Variants in USP50 observed in about 807,000 individuals in gnomAD.
The protein encoded by USP50 is ubiquitin specific peptidase 50, also known as ubiquitin carboxyl-terminal hydrolase 50.
USP50 carries 37 observed loss-of-function variants against 39.2 expected under a neutral mutation model. The ratio of observed to expected loss-of-function variants is 0.94; its 90% confidence interval spans 0.73 to 1.24. The LOEUF (loss-of-function observed/expected upper bound fraction) is 1.24, where lower values mean the gene tolerates loss of function less well. USP50 is among the 50% of genes most tolerant of loss of function. The pLI, the probability that USP50 is intolerant of heterozygous loss-of-function variation, is 0.00. For synonymous variants in USP50, 139 were observed against 144.5 expected, an observed-to-expected ratio of 0.96 and a Z score of 0.27; for missense variants, 374 against 398.2, an observed-to-expected ratio of 0.94 and a Z score of 0.52.
At chr15:50,503,371 C>CT (rs2052617039) in intron 6 of USP50, 1 of 152,262 alleles carries the variant, frequency 6.6e-6, no homozygotes, top group Admixed American at 6.5e-5. Flanking sequence ...GTGGTTTATG[C>CT]TTTGTGACTG....
At chr15:50,520,017 C>G (rs1420609617) in intron 6 of USP50, among the ~76,000 whole-genome samples, 1 of 151,996 alleles carries the variant, frequency 6.6e-6, no homozygotes, top group African/African-American at 2.4e-5. Context: ...ATCCAAGATA[C>G]GAGCTGGCCA....
chr15:50,514,719 G>A (rs1407545045), intron 6 of USP50, among the ~76,000 whole-genome samples: 1 of 151,912 alleles, frequency 6.6e-6, no homozygotes, highest in Non-Finnish European at 1.5e-5. Context: ...TAGTAGAGAT[G>A]GGGTTTCACC....
downstream of USP50, chr15:50,493,740 C>A: frequency 2.5e-6 from 1 of 397,370 alleles, no homozygotes; most frequent in South Asian, 2.0e-5. Context: ...AGAATGAGAC[C>A]CTATCTCAAA....
At chr15:50,534,607 G>A (rs2052965728) in intron 5 of USP50, among the ~76,000 whole-genome samples, 1 of 152,112 alleles carries the variant, frequency 6.6e-6, no homozygotes, top group African/African-American at 2.4e-5. Context: ...ACTGTGTACT[G>A]TGTACAAGAA....
downstream of USP50, among the ~76,000 whole-genome samples, chr15:50,496,264 G>A (rs571414874): frequency 2.0e-5 from 3 of 152,092 alleles, no homozygotes; most frequent in East Asian, 1.9e-4. Flanking sequence ...GGCGGATCAC[G>A]AGGTCAGGAG....
At chr15:50,494,166 G>T in intron 1 of USP50, 1 of 1,613,366 alleles carries the variant, frequency 6.2e-7, no homozygotes, top group Non-Finnish European at 8.5e-7. Flanking sequence ...TCAGTCCAAA[G>T]GACTTTAAAA....
intron 6 of USP50, among the ~76,000 whole-genome samples, chr15:50,527,437 G>A (rs2052907309): frequency 6.6e-6 from 1 of 151,878 alleles, no homozygotes; most frequent in Admixed American, 6.6e-5. Context: ...TCAATCTCCT[G>A]ACCTCATGAT....
At chr15:50,498,307 C>CT, downstream of USP50, 1 of 253,604 alleles carries the variant, frequency 3.9e-6, no homozygotes, top group Non-Finnish European at 7.4e-6. Flanking sequence ...TCTTACCTTC[C>CT]TAGAAGACTC....
intron 6 of USP50, among the ~76,000 whole-genome samples, chr15:50,519,906 A>T (rs1398792817): frequency 5.3e-5 from 8 of 152,208 alleles, no homozygotes; most frequent in Admixed American, 4.6e-4. Flanking sequence ...TAGAACTATT[A>T]TATGATCCAG....
At chr15:50,531,854 G>T (rs894326424) in intron 5 of USP50, among the ~76,000 whole-genome samples, 2 of 152,088 alleles carry the variant, frequency 1.3e-5, no homozygotes, top group African/African-American at 4.8e-5. Context: ...GCTAAATAAA[G>T]CTTTTGGTTA....
chr15:50,538,432 G>C, intron 5 of USP50, among the ~76,000 whole-genome samples: 1 of 152,128 alleles, frequency 6.6e-6, no homozygotes, highest in Non-Finnish European at 1.5e-5. Flanking sequence ...AAAGGTTACA[G>C]AGTTTCTGTG....
intron 6 of USP50, among the ~76,000 whole-genome samples, chr15:50,519,012 C>A (rs989133893): frequency 6.6e-6 from 1 of 152,192 alleles, no homozygotes; most frequent in Non-Finnish European, 1.5e-5. Flanking sequence ...AAGGGCCAGG[C>A]GTGGTGGCTC....
In USP50 at chr15:50,544,735, C is replaced by A. The variant is rs973952391; in HGVS notation, c.100G>T (p.Asp34Tyr). ...CCCTGAAAATGGGGCTGGTTCCCAT[C>A]AGCCTCCTTAACTGGAAGGGTATCA... is the stretch of plus-strand genomic sequence containing the variant. ...YYDTLPVKEA[D>Y]GNQPHFQGVT... The change falls in exon 2 of 7, where the codon GAT becomes TAT. Residue 34 changes from aspartate (D) to tyrosine (Y), a missense_variant. Transcript: ENST00000532404. 6.2e-7 allele frequency: 1 copy of A among 1,614,034 alleles called. No homozygotes were observed. The highest frequency in any genetic ancestry group is 8.5e-7 in the Non-Finnish European group (1 of 1,179,900).
intron 6 of USP50, chr15:50,504,982 A>G (rs1222065853): frequency 7.0e-6 from 1 of 142,112 alleles, no homozygotes; most frequent in East Asian, 2.0e-4. Flanking sequence ...ACTCCATCTC[A>G]AAAAAAAAAA....
rs61761599 is a variant in USP50, at chr15:50,544,591, G to A, written c.244C>T (p.Gln82Ter). Residue 82 changes from glutamine to a stop codon, truncating the protein, a stop_gained, in exon 2 of 7, where the codon CAA (glutamine) becomes TAA (stop). Transcript: ENST00000532404. LOFTEE classifies it high-confidence loss of function. Reference protein sequence around the residue: ...FLTGKYITALQNDCSEVATAF... With the variant: ...FLTGKYITAL ...AGGGAATGCAAATGGTCTTACTTTTGCAGAGCGGTGATATACTTCCCGGTG... is the reference window on the plus strand; with the variant it reads ...AGGGAATGCAAATGGTCTTACTTTTACAGAGCGGTGATATACTTCCCGGTG... 192 of 1,612,412 alleles carry A rather than the reference G, an allele frequency of 1.2e-4. No individual in the cohort carries two copies. Among genetic ancestry groups the A allele is most frequent in the Non-Finnish European group, 1.5e-4 (182 of 1,179,276 alleles).
At chr15:50,520,896 T>G (rs2141362922) in intron 6 of USP50, among the ~76,000 whole-genome samples, 1 of 152,316 alleles carries the variant, frequency 6.6e-6, no homozygotes, top group South Asian at 2.1e-4. Context: ...GTTCTAGTGT[T>G]TGACAGCATA....
At chr15:50,522,579 G>T (rs182656919) in intron 6 of USP50, among the ~76,000 whole-genome samples, 1 of 152,240 alleles carries the variant, frequency 6.6e-6, no homozygotes, top group East Asian at 1.9e-4. Flanking sequence ...TACAAGAAAA[G>T]AAAATTACAA....
chr15:50,504,320 G>A (rs1220944871), intron 6 of USP50: 4 of 152,268 alleles, frequency 2.6e-5, no homozygotes, highest in South Asian at 2.1e-4. Flanking sequence ...GAGCCCAGGA[G>A]TTGTAGACCA....
At chr15:50,494,069 G>A in exon 2 of USP50, 1 of 1,603,332 alleles carries the variant, frequency 6.2e-7, no homozygotes, top group Non-Finnish European at 8.5e-7. Context: ...TATTTGCACA[G>A]GTCAAATTTG....
Sources: gnomAD v4.1 joint callset for allele counts (sites outside exome capture counted in the v4.1 genomes callset) on GRCh38, gnomAD v4.1.1 for gene constraint, MANE v1.5 for transcripts, NCBI Gene and HGNC (gene_info 2026-07-23, HGNC 2026-07-21) for gene names.